Variants in ZSWIM6 observed in about 807,000 individuals in gnomAD.
The protein encoded by ZSWIM6 is zinc finger SWIM domain-containing protein 6.
Under a neutral mutation model 113.2 loss-of-function variants are expected in ZSWIM6, and 9 were observed. That is an observed-to-expected ratio of 0.08 (90% confidence interval 0.05 to 0.14). ZSWIM6 has a LOEUF of 0.14. Among genes scored for constraint, ZSWIM6 ranks in the 10% least tolerant of loss-of-function variants. The pLI is 1.00. For synonymous variants in ZSWIM6, 611 were observed against 606.5 expected (o/e 1.01, Z -0.11); for missense variants, 1,162 against 1,552.2 (o/e 0.75, Z 4.22).
At chr5:61,393,881 C>T (rs956134339) in intron 1 of ZSWIM6, among the ~76,000 whole-genome samples, 25 of 152,098 alleles carry the variant, frequency 1.6e-4, no homozygotes, top group African/African-American at 4.1e-4. Context: ...TCCAGATATG[C>T]GGCTTTTAAT....
chr5:61,467,012 T>C (rs1747450598), intron 1 of ZSWIM6, among the ~76,000 whole-genome samples: 1 of 152,218 alleles, frequency 6.6e-6, no homozygotes, highest in South Asian at 2.1e-4. Flanking sequence ...CCCTTCAGTG[T>C]TTCTCTACTG....
At position 61,388,538 on chromosome 5, in the gene ZSWIM6, A is replaced by G. The variant is rs377461513; in HGVS notation, c.676+55590A>G. ...TAAGTTCTTAAAAAACCTTGAAAAG[A>G]CTTACATCAAGTGCTGCATACTGTT... On this transcript the variant is annotated intron_variant, in intron 1 of 13. Transcript: ENST00000252744. Among the ~76,000 whole-genome samples the G allele has an allele frequency of 1.7e-4, 26 of 152,346 alleles. 1 individual carries two copies. In the East Asian group the frequency reaches 2.5e-3, roughly 15 times the overall value.
intron 1 of ZSWIM6, among the ~76,000 whole-genome samples, chr5:61,463,697 T>C (rs10514908): frequency 0.13 from 20,140 of 152,228 alleles, 1,481 homozygotes; most frequent in Middle Eastern, 0.18. Flanking sequence ...CCGTTTAGCT[T>C]GAAGTATAGA....
At chr5:61,459,656 G>A (rs927605576) in intron 1 of ZSWIM6, among the ~76,000 whole-genome samples, 7 of 152,216 alleles carry the variant, frequency 4.6e-5, no homozygotes, top group African/African-American at 1.7e-4. Flanking sequence ...ATTTAACCTT[G>A]TATTAAATAA....
rs1456629397 is a variant in ZSWIM6, at chr5:61,545,250, A to C, written c.*933A>C. ...ATTATATATGTATATATATTTATAC[A>C]ACTTATGTATACATATATATATGTA... On this transcript the variant is annotated 3_prime_UTR_variant, in exon 14 of 14. Transcript: ENST00000252744. 1 of 151,734 alleles carries C rather than the reference A, an allele frequency of 6.6e-6. No individual in the cohort carries two copies. The highest frequency in any genetic ancestry group is 1.5e-5 in the Non-Finnish European group (1 of 67,960). The allele number at this position is 151,734 out of a possible 1,614,324, so 9.4% of individuals were successfully genotyped here.
intron 2 of ZSWIM6, among the ~76,000 whole-genome samples, chr5:61,483,300 G>T (rs1156706476): frequency 6.6e-6 from 1 of 152,062 alleles, no homozygotes; most frequent in Non-Finnish European, 1.5e-5. Context: ...ATTAATCCAA[G>T]AATGGATTAA....
intron 5 of ZSWIM6, among the ~76,000 whole-genome samples, chr5:61,522,080 G>GTT (rs369447967): frequency 2.6e-4 from 37 of 141,640 alleles, no homozygotes; most frequent in African/African-American, 4.1e-4. Context: ...TTTCTGTCCT[G>GTT]TTTTTTTTGT....
At chr5:61,445,705 T>G (rs1205715676) in intron 1 of ZSWIM6, among the ~76,000 whole-genome samples, 1 of 152,196 alleles carries the variant, frequency 6.6e-6, no homozygotes, top group Non-Finnish European at 1.5e-5. Flanking sequence ...ACATCATTGG[T>G]TTCATACATG....
At chr5:61,415,541 G>A (rs567480238) in intron 1 of ZSWIM6, among the ~76,000 whole-genome samples, 36 of 150,958 alleles carry the variant, frequency 2.4e-4, no homozygotes, top group Non-Finnish European at 4.4e-4. Flanking sequence ...GCAGTGAGCC[G>A]AGATCACGCC....
intron 1 of ZSWIM6, among the ~76,000 whole-genome samples, chr5:61,406,394 C>A (rs1746044158): frequency 6.6e-6 from 1 of 152,000 alleles, no homozygotes; most frequent in African/African-American, 2.4e-5. Context: ...GTGTAGTAAT[C>A]CCTAACAGAT....
intron 1 of ZSWIM6, among the ~76,000 whole-genome samples, chr5:61,357,961 A>G (rs1744953803): frequency 6.6e-6 from 1 of 152,180 alleles, no homozygotes; most frequent in Non-Finnish European, 1.5e-5. Context: ...TGTTAGCGCC[A>G]TCTTATGGCA....
intron 1 of ZSWIM6, among the ~76,000 whole-genome samples, chr5:61,396,793 T>TA (rs1745846079): frequency 6.6e-6 from 1 of 152,156 alleles, no homozygotes; most frequent in Admixed American, 6.5e-5. Flanking sequence ...TGTTGCTAAA[T>TA]AAAAAATATA....
chr5:61,447,416 C>T (rs754667600), intron 1 of ZSWIM6, among the ~76,000 whole-genome samples: 1 of 152,214 alleles, frequency 6.6e-6, no homozygotes, highest in Non-Finnish European at 1.5e-5. Context: ...GCTTTCCTCT[C>T]TCAGTCAGTT....
At chr5:61,417,266 A>G (rs1001479189) in intron 1 of ZSWIM6, among the ~76,000 whole-genome samples, 3 of 152,246 alleles carry the variant, frequency 2.0e-5, no homozygotes, top group African/African-American at 4.8e-5. Flanking sequence ...TTCACTGCCT[A>G]TATCTGTTAG....
At chr5:61,418,072 A>G (rs1324579304) in intron 1 of ZSWIM6, among the ~76,000 whole-genome samples, 1 of 152,214 alleles carries the variant, frequency 6.6e-6, no homozygotes, top group South Asian at 2.1e-4. Flanking sequence ...AACCAGGACT[A>G]CAGGCTTTTA....
chr5:61,366,418 A>G (rs1012949212), intron 1 of ZSWIM6, among the ~76,000 whole-genome samples: 2 of 152,194 alleles, frequency 1.3e-5, no homozygotes, highest in African/African-American at 4.8e-5. Flanking sequence ...GCATTCTTCA[A>G]ACCTCACAAA....
At chr5:61,415,846 A>G (rs530007447) in intron 1 of ZSWIM6, among the ~76,000 whole-genome samples, 1 of 152,328 alleles carries the variant, frequency 6.6e-6, no homozygotes, top group African/African-American at 2.4e-5. Flanking sequence ...TAAAACTTTA[A>G]AAAAGATTTT....
chr5:61,374,575 A>G (rs1290665087), intron 1 of ZSWIM6, among the ~76,000 whole-genome samples: 1 of 152,048 alleles, frequency 6.6e-6, no homozygotes, highest in Non-Finnish European at 1.5e-5. Flanking sequence ...ATTTTTTGAG[A>G]TGGAGTCTCG....
Position 61,521,431 on chromosome 5 carries a change from A to G in ZSWIM6, c.1502A>G (p.Asn501Ser), listed in dbSNP as rs1370146086. ...ACCAATGCTCTGCCTCAGGGTGCAA[A>G]TGCCAACCAAGGTGAGTCTACCATA... The part of the protein sequence containing the change: ...NLTNALPQGA[N>S]ANQDSSNRPH... The change falls in exon 5 of 14, where the codon AAT becomes AGT. Residue 501 changes from asparagine to serine, a missense_variant. By Grantham distance (46) the Asn-to-Ser change is conservative (BLOSUM62 1). Transcript: ENST00000252744. 6.8e-7 allele frequency: 1 copy of G among 1,471,400 alleles called. No homozygotes were observed. The highest frequency in any genetic ancestry group is 1.4e-5 in the South Asian group (1 of 71,418). 91.1% of individuals were successfully genotyped at this position (1,471,400 alleles called of 1,614,324 possible).
Sources: allele counts gnomAD v4.1 joint callset (sites outside exome capture counted in the v4.1 genomes callset), GRCh38; gene constraint gnomAD v4.1.1; transcripts MANE v1.5; gene names NCBI Gene and HGNC (gene_info 2026-07-23, HGNC 2026-07-21).